The following TEX36 variants were observed in gnomAD, a reference collection of about 807,000 sequenced individuals.
TEX36 encodes the protein testis expressed 36, also known as testis-expressed protein 36.
In TEX36, 12 loss-of-function variants were observed where a neutral mutation model predicts 13.6. The ratio of observed to expected loss-of-function variants is 0.88; its 90% CI spans 0.56 to 1.43. The LOEUF is 1.43. Ranked by LOEUF, TEX36 falls within the 40% of genes most tolerant of loss-of-function variation. The probability of loss-of-function intolerance (pLI) is 0.00; values close to 1 mark genes in which losing one functional copy is unlikely to be tolerated. For synonymous variants in TEX36, 93 were observed against 83.0 expected (o/e 1.12, Z -0.65); for missense variants, 224 against 228.3 (o/e 0.98, Z 0.12).
chr10:125,672,348 T>C (rs1392369889), intron 1 of TEX36, among the ~76,000 whole-genome samples: 1 of 152,210 alleles, frequency 6.6e-6, no homozygotes, highest in Non-Finnish European at 1.5e-5. Flanking sequence ...CTCATTGATT[T>C]CAAAGAACTA....
At chr10:125,636,331 G>A (rs980055742) in intron 3 of TEX36, among the ~76,000 whole-genome samples, 3 of 149,946 alleles carry the variant, frequency 2.0e-5, no homozygotes, top group Admixed American at 6.7e-5. Flanking sequence ...TCAGCCTCCC[G>A]AGTAGCTGGG....
chr10:125,623,192 C>CCA (rs1020191451), intron 3 of TEX36, among the ~76,000 whole-genome samples: 1 of 152,194 alleles, frequency 6.6e-6, no homozygotes, highest in African/African-American at 2.4e-5. Context: ...TAAGGCCATT[C>CCA]CACTGTTCTA....
intron 3 of TEX36, among the ~76,000 whole-genome samples, chr10:125,657,989 GC>G (rs1231539760): frequency 6.6e-6 from 1 of 151,900 alleles, no homozygotes; most frequent in African/African-American, 2.4e-5. Flanking sequence ...AATCAATCTA[GC>G]AAAGTCAGGA....
At chr10:125,642,275 G>A (rs1045819169) in intron 3 of TEX36, among the ~76,000 whole-genome samples, 3 of 152,198 alleles carry the variant, frequency 2.0e-5, no homozygotes, top group African/African-American at 7.2e-5. Context: ...CACAGGCAGA[G>A]ATAAAGCCAT....
At chr10:125,591,878 G>A (rs1376648905) in intron 3 of TEX36, among the ~76,000 whole-genome samples, 2 of 146,848 alleles carry the variant, frequency 1.4e-5, no homozygotes, top group African/African-American at 5.5e-5. Flanking sequence ...AGGAAAGACA[G>A]GGCTTTCCAT....
chr10:125,601,056 A>C (rs1201809046), intron 3 of TEX36, among the ~76,000 whole-genome samples: 3 of 152,218 alleles, frequency 2.0e-5, no homozygotes, highest in Non-Finnish European at 4.4e-5. Context: ...GTGTTGATTC[A>C]ATTTTGCTCT....
chr10:125,584,091 C>A (rs1043304840), intron 3 of TEX36, among the ~76,000 whole-genome samples: 1 of 152,226 alleles, frequency 6.6e-6, no homozygotes, highest in African/African-American at 2.4e-5. Flanking sequence ...AAGGTCCCAC[C>A]TGGCACTGTG....
intron 3 of TEX36, among the ~76,000 whole-genome samples, chr10:125,599,586 G>C (rs1846120918): frequency 6.6e-6 from 1 of 152,174 alleles, no homozygotes; most frequent in Non-Finnish European, 1.5e-5. Flanking sequence ...CATCTGCTTA[G>C]GGAAAGATGG....
chr10:125,627,887 G>A (rs539871465), intron 3 of TEX36, among the ~76,000 whole-genome samples: 1 of 152,266 alleles, frequency 6.6e-6, no homozygotes, highest in Non-Finnish European at 1.5e-5. Flanking sequence ...GTGCCAGGCG[G>A]TAACACCTAG....
intron 1 of TEX36, among the ~76,000 whole-genome samples, chr10:125,672,350 A>G (rs1461237865): frequency 6.6e-6 from 1 of 152,170 alleles, no homozygotes; most frequent in Non-Finnish European, 1.5e-5. Context: ...CATTGATTTC[A>G]AAGAACTACT....
At chr10:125,604,914 C>T (rs903801828) in intron 3 of TEX36, among the ~76,000 whole-genome samples, 2 of 151,618 alleles carry the variant, frequency 1.3e-5, no homozygotes, top group African/African-American at 4.8e-5. Context: ...CTCAGGGCTC[C>T]CACCGATTCT....
intron 3 of TEX36, among the ~76,000 whole-genome samples, chr10:125,636,003 AGCTGGGATTACAGGT>A (rs767132147): frequency 6.6e-6 from 1 of 151,886 alleles, no homozygotes. Flanking sequence ...CCTCCTGAGT[AGCTGGGATTACAGGT>A]GCACACTACC....
At chr10:125,682,577 A>G (rs981696505) in intron 1 of TEX36, among the ~76,000 whole-genome samples, 2 of 152,240 alleles carry the variant, frequency 1.3e-5, no homozygotes, top group Non-Finnish European at 2.9e-5. Flanking sequence ...CAAAAATCCC[A>G]GCTCCATGGA....
At chr10:125,640,524 A>C (rs544513866) in intron 3 of TEX36, among the ~76,000 whole-genome samples, 1 of 152,170 alleles carries the variant, frequency 6.6e-6, no homozygotes, top group Non-Finnish European at 1.5e-5. Context: ...TAGCCATAAC[A>C]TGTTTACTTA....
intron 3 of TEX36, among the ~76,000 whole-genome samples, chr10:125,579,584 G>C (rs183073805): frequency 9.2e-5 from 14 of 152,236 alleles, no homozygotes; most frequent in Admixed American, 9.2e-4. Context: ...GTTTGGATTT[G>C]TGTCCCTGCC....
intron 3 of TEX36, among the ~76,000 whole-genome samples, chr10:125,593,727 A>G (rs749758762): frequency 1.3e-5 from 2 of 152,210 alleles, no homozygotes; most frequent in African/African-American, 4.8e-5. Flanking sequence ...TACAGACAGA[A>G]AGTAGAAGAG....
chr10:125,610,855 G>A (rs564410722), intron 3 of TEX36, among the ~76,000 whole-genome samples: 4 of 152,140 alleles, frequency 2.6e-5, no homozygotes, highest in African/African-American at 9.6e-5. Context: ...GTGCTATAAT[G>A]CTCTCATTTT....
chr10:125,625,046 A>T (rs1846469805), intron 3 of TEX36, among the ~76,000 whole-genome samples: 1 of 152,230 alleles, frequency 6.6e-6, no homozygotes, highest in African/African-American at 2.4e-5. Flanking sequence ...CAATCTCTCC[A>T]GATCTGGCAA....
intron 3 of TEX36, among the ~76,000 whole-genome samples, chr10:125,622,341 TA>T (rs764579033): frequency 2.7e-4 from 41 of 152,328 alleles, no homozygotes; most frequent in Middle Eastern, 6.8e-3. Context: ...AAAATGAAGA[TA>T]TTTCCTTAGT....
Sources: allele counts gnomAD v4.1 joint callset (sites outside exome capture counted in the v4.1 genomes callset), GRCh38; gene constraint gnomAD v4.1.1; transcripts MANE v1.5; gene names NCBI Gene and HGNC (gene_info 2026-07-23, HGNC 2026-07-21).